Variants in FRMD4A observed in about 807,000 individuals in gnomAD.
FRMD4A encodes the protein FERM domain containing 4A, also known as FERM domain-containing protein 4A.
In FRMD4A, 29 loss-of-function variants were observed where a neutral mutation model predicts 129.1. The ratio of observed to expected loss-of-function variants is 0.22; its 90% CI spans 0.17 to 0.31. The LOEUF (loss-of-function observed/expected upper bound fraction) is 0.31. Among genes scored for constraint, FRMD4A ranks in the 10% least tolerant of loss-of-function variants. The pLI, the probability that FRMD4A is intolerant of heterozygous loss-of-function variation, is 1.00. For synonymous variants in FRMD4A, 634 were observed against 571.6 expected, an observed-to-expected ratio of 1.11 and a Z score of -1.56; for missense variants, 1,272 against 1,375.8, an observed-to-expected ratio of 0.92 and a Z score of 1.19.
chr10:14,314,447 G>C (rs1353011717), intron 2 of FRMD4A, among the ~76,000 whole-genome samples: 1 of 152,184 alleles, frequency 6.6e-6, no homozygotes, highest in African/African-American at 2.4e-5. Flanking sequence ...GGCTATGTGA[G>C]CTAACCTGCC....
chr10:14,288,725 A>G (rs982306990), intron 2 of FRMD4A, among the ~76,000 whole-genome samples: 5 of 152,206 alleles, frequency 3.3e-5, no homozygotes, highest in Non-Finnish European at 7.3e-5. Flanking sequence ...GCATATCTCT[A>G]GAATTTATTC....
intron 24 of FRMD4A, among the ~76,000 whole-genome samples, chr10:13,650,322 T>C (rs1221868630): frequency 6.6e-6 from 1 of 152,198 alleles, no homozygotes; most frequent in Non-Finnish European, 1.5e-5. Flanking sequence ...GATGAGGCCC[T>C]CTAGAGGCAT....
intron 3 of FRMD4A, among the ~76,000 whole-genome samples, chr10:13,836,030 C>T (rs2093868287): frequency 1.4e-5 from 2 of 141,712 alleles, no homozygotes; most frequent in Admixed American, 7.3e-5. Context: ...TGGAGTCTTA[C>T]TCTGTTGCCC....
At chr10:14,034,777 C>T (rs535397629) in intron 2 of FRMD4A, among the ~76,000 whole-genome samples, 3 of 152,332 alleles carry the variant, frequency 2.0e-5, no homozygotes, top group Non-Finnish European at 4.4e-5. Context: ...ACACCAGGTT[C>T]ATGCATCTTC....
intron 2 of FRMD4A, among the ~76,000 whole-genome samples, chr10:14,202,265 T>C (rs563593944): frequency 5.3e-5 from 8 of 152,304 alleles, no homozygotes; most frequent in African/African-American, 1.9e-4. Context: ...TGCCCCAGCC[T>C]GACTTTGTGA....
chr10:13,899,038 T>C (rs949841970), intron 2 of FRMD4A, among the ~76,000 whole-genome samples: 2 of 151,932 alleles, frequency 1.3e-5, no homozygotes, highest in African/African-American at 4.8e-5. Flanking sequence ...ATTTAAAAAT[T>C]AGCTGGGTTT....
At chr10:13,781,384 T>C (rs1486945357) in intron 6 of FRMD4A, among the ~76,000 whole-genome samples, 2 of 119,076 alleles carry the variant, frequency 1.7e-5, no homozygotes, top group Non-Finnish European at 3.2e-5. Context: ...TTTTTTTTTT[T>C]TTTTTTTTTC....
chr10:14,246,113 T>C (rs1484426634), intron 2 of FRMD4A, among the ~76,000 whole-genome samples: 2 of 152,174 alleles, frequency 1.3e-5, no homozygotes, highest in African/African-American at 2.4e-5. Flanking sequence ...AAGACTGATG[T>C]GGTCCCAGAT....
At chr10:14,309,962 C>A (rs190113456) in intron 2 of FRMD4A, among the ~76,000 whole-genome samples, 1 of 141,842 alleles carries the variant, frequency 7.1e-6, no homozygotes, top group Admixed American at 7.0e-5. Context: ...TCCTTCTGAA[C>A]CCCCAGCAAG....
chr10:14,302,682 G>C (rs1324543661), intron 2 of FRMD4A, among the ~76,000 whole-genome samples: 1 of 152,212 alleles, frequency 6.6e-6, no homozygotes, highest in Non-Finnish European at 1.5e-5. Flanking sequence ...ACAGTCAGAG[G>C]CTGGAGTCAT....
intron 2 of FRMD4A, among the ~76,000 whole-genome samples, chr10:13,947,600 A>T (rs1162754647): frequency 6.7e-6 from 1 of 149,052 alleles, no homozygotes; most frequent in Non-Finnish European, 1.5e-5. Context: ...ATACACACAC[A>T]CACACGTGCA....
chr10:13,725,555 A>G (rs534340497), intron 12 of FRMD4A, among the ~76,000 whole-genome samples: 10 of 151,548 alleles, frequency 6.6e-5, no homozygotes, highest in Non-Finnish European at 1.5e-4. Context: ...TTTTCTGTTC[A>G]TAGACAGGTC....
Position 13,740,475 on chromosome 10 carries a change from A to G in FRMD4A, c.614+37T>C, listed in dbSNP as rs753616750. The G allele has an allele frequency of 2.4e-5, 29 of 1,225,594 alleles. No individual in the cohort carries two copies. The Middle Eastern group carries it at 7.5e-4, about 32-fold the overall frequency. 75.9% of individuals were successfully genotyped at this position (1,225,594 alleles called of 1,614,324 possible). On this transcript the variant is annotated intron_variant, in intron 10 of 24. Transcript: ENST00000357447. ...ACATACGATATATTAACACACACAA[A>G]CACTGTCCCCATGTGAGCTGGGAAG...
intron 2 of FRMD4A, among the ~76,000 whole-genome samples, chr10:13,913,244 C>T (rs2610788): frequency 0.96 from 146,174 of 152,198 alleles, 70,459 homozygotes; most frequent in East Asian, 1. Context: ...AATCTATACA[C>T]AGAAAAAGTA....
intron 2 of FRMD4A, among the ~76,000 whole-genome samples, chr10:14,279,210 A>T (rs1181880831): frequency 2.5e-5 from 3 of 118,062 alleles, no homozygotes. Context: ...TTTTTTTGAG[A>T]CAGAGTCTTG....
At chr10:14,259,561 C>T (rs932732677) in intron 2 of FRMD4A, among the ~76,000 whole-genome samples, 2 of 152,106 alleles carry the variant, frequency 1.3e-5, no homozygotes, top group African/African-American at 4.8e-5. Flanking sequence ...AATCTTCATA[C>T]CTCTAGGTAT....
At chr10:14,005,966 G>A (rs1407380495) in intron 2 of FRMD4A, among the ~76,000 whole-genome samples, 1 of 152,108 alleles carries the variant, frequency 6.6e-6, no homozygotes, top group East Asian at 1.9e-4. Flanking sequence ...CAACTCAAAT[G>A]CCTGGCGCCC....
At chr10:14,249,801 G>A (rs185823545) in intron 2 of FRMD4A, among the ~76,000 whole-genome samples, 3 of 152,262 alleles carry the variant, frequency 2.0e-5, no homozygotes, top group East Asian at 3.9e-4. Context: ...AGTCATTCAC[G>A]AAATCCTAAG....
At chr10:13,699,263 G>C (rs2086575312) in intron 14 of FRMD4A, among the ~76,000 whole-genome samples, 1 of 101,056 alleles carries the variant, frequency 9.9e-6, no homozygotes, top group Non-Finnish European at 1.9e-5. Context: ...TTTTAGTAAA[G>C]ACTGGGTTTC....
Sources: allele counts gnomAD v4.1 joint callset (sites outside exome capture counted in the v4.1 genomes callset), GRCh38; gene constraint gnomAD v4.1.1; transcripts MANE v1.5; gene names NCBI Gene and HGNC (gene_info 2026-07-23, HGNC 2026-07-21).